The following PRKAR1B variants were observed in gnomAD, a reference collection of about 807,000 sequenced individuals.
The protein encoded by PRKAR1B is protein kinase cAMP-dependent type I regulatory subunit beta.
PRKAR1B carries 22 observed loss-of-function variants against 46.5 expected under a neutral mutation model. The ratio of observed to expected loss-of-function variants is 0.47; its 90% CI spans 0.34 to 0.68. PRKAR1B has a LOEUF of 0.68. Ranked by LOEUF, PRKAR1B falls within the 30% of genes least tolerant of loss-of-function variation. The pLI is 0.01. For synonymous variants in PRKAR1B, 259 were observed against 217.7 expected (o/e 1.19, Z -1.67); for missense variants, 445 against 535.6 (o/e 0.83, Z 1.67).
At chr7:632,136 G>T (rs565809402) in intron 4 of PRKAR1B, among the ~76,000 whole-genome samples, 23 of 152,310 alleles carry the variant, frequency 1.5e-4, no homozygotes, top group African/African-American at 5.5e-4. Context: ...GAGCCTGGGG[G>T]GAGCAGGTGC....
intron 9 of PRKAR1B, among the ~76,000 whole-genome samples, chr7:574,334 C>G (rs1225440756): frequency 6.6e-6 from 1 of 152,272 alleles, no homozygotes; most frequent in African/African-American, 2.4e-5. Context: ...GCTGGGAAGC[C>G]TTTCACACCA....
chr7:657,623 G>C (rs960627682), intron 4 of PRKAR1B, among the ~76,000 whole-genome samples: 16 of 152,140 alleles, frequency 1.1e-4, no homozygotes, highest in Non-Finnish European at 2.1e-4. Context: ...GCGCCGTTTT[G>C]GGCAGTCTGA....
At chr7:727,294 G>A, upstream of PRKAR1B, 2 of 1,297,534 alleles carry the variant, frequency 1.5e-6, no homozygotes, top group Non-Finnish European at 9.7e-7. Flanking sequence ...CTGCGCCGCC[G>A]CCCTGGCGCA....
chr7:718,361 A>C (rs1780957786), intron 1 of PRKAR1B, among the ~76,000 whole-genome samples: 1 of 140,810 alleles, frequency 7.1e-6, no homozygotes, highest in Non-Finnish European at 1.5e-5. Context: ...CTCCTGCTTC[A>C]GCCTTTTTTT....
chr7:578,180 C>T (rs934751553), intron 9 of PRKAR1B, among the ~76,000 whole-genome samples: 1 of 152,174 alleles, frequency 6.6e-6, no homozygotes, highest in Admixed American at 6.5e-5. Flanking sequence ...CCTCTGGAGT[C>T]GAGTCCCACC....
intron 4 of PRKAR1B, among the ~76,000 whole-genome samples, chr7:619,085 T>G (rs571988030): frequency 6.6e-6 from 1 of 152,114 alleles, no homozygotes; most frequent in Non-Finnish European, 1.5e-5. Flanking sequence ...TGGAGTAGGG[T>G]TGGCCCTAAC....
At chr7:562,410 C>T (rs1009208968) in intron 9 of PRKAR1B, among the ~76,000 whole-genome samples, 10 of 152,188 alleles carry the variant, frequency 6.6e-5, no homozygotes, top group African/African-American at 2.4e-4. Flanking sequence ...TCCTCGTCTG[C>T]CCCCATTAGG....
At chr7:579,401 G>A in intron 8 of PRKAR1B, 24 bp from the exon 9 acceptor site, 1 of 1,611,102 alleles carries the variant, frequency 6.2e-7, no homozygotes, top group Non-Finnish European at 8.5e-7. Flanking sequence ...ATGAGGACAG[G>A]TCATCCCGGG....
At chr7:583,708 G>A (rs1263522544) in intron 8 of PRKAR1B, among the ~76,000 whole-genome samples, 2 of 148,396 alleles carry the variant, frequency 1.3e-5, no homozygotes, top group Non-Finnish European at 1.5e-5. Context: ...CCTCACACAC[G>A]TGCAATTCAC....
chr7:557,149 C>T (rs369357818), intron 9 of PRKAR1B, among the ~76,000 whole-genome samples: 222 of 152,328 alleles, frequency 1.5e-3, no homozygotes, highest in African/African-American at 5.0e-3. Flanking sequence ...GGCCCCGGGA[C>T]TCCCTCCTCC....
At chr7:650,224 G>A (rs1784831410) in intron 4 of PRKAR1B, among the ~76,000 whole-genome samples, 1 of 152,174 alleles carries the variant, frequency 6.6e-6, no homozygotes, top group Non-Finnish European at 1.5e-5. Context: ...CTCTGATGAA[G>A]AGGACAGGTG....
At chr7:659,389 T>C (rs201622897) in intron 4 of PRKAR1B, among the ~76,000 whole-genome samples, 18 of 152,196 alleles carry the variant, frequency 1.2e-4, no homozygotes, top group African/African-American at 4.1e-4. Context: ...TCCATCCTAG[T>C]GGAGCACTTC....
At chr7:728,311 G>T (rs1028868802), upstream of PRKAR1B, among the ~76,000 whole-genome samples, 1 of 152,224 alleles carries the variant, frequency 6.6e-6, no homozygotes, top group African/African-American at 2.4e-5. Flanking sequence ...CAGGAAAGCA[G>T]TGAGGGATCT....
In PRKAR1B at chr7:685,341, T is replaced by TATATAC. The variant is rs1562615898; in HGVS notation, c.178-4616_178-4615insGTATAT. Reference sequence around the variant, plus strand: ...ACGTATATATACGTATATATACGTATATATATGTATACATATATATATACA... The same window carrying TATATAC: ...ACGTATATATACGTATATATACGTATATATACATATATGTATACATATATATATACA... On this transcript the variant is annotated intron_variant, in intron 2 of 10. Transcript: ENST00000537384. Among the ~76,000 whole-genome samples the TATATAC allele has an allele frequency of 2.7e-3, 218 of 81,474 alleles. 25 individuals are homozygous for TATATAC. The highest frequency in any genetic ancestry group is 0.02 in the East Asian group (62 of 3,126). 53.5% of individuals were successfully genotyped at this position (81,474 alleles called of 152,430 possible).
chr7:680,388 GC>G (rs1405262195), intron 3 of PRKAR1B, among the ~76,000 whole-genome samples, 167 bp downstream of exon 3: 3 of 152,104 alleles, frequency 2.0e-5, no homozygotes, highest in African/African-American at 7.2e-5. Flanking sequence ...AGCAAACCAA[GC>G]CCACCCAGAA....
intron 4 of PRKAR1B, among the ~76,000 whole-genome samples, chr7:642,998 T>C (rs1406207100): frequency 2.0e-5 from 3 of 151,466 alleles, no homozygotes; most frequent in Non-Finnish European, 4.4e-5. Context: ...ACCCCGCACT[T>C]CACTGGGATG....
intron 2 of PRKAR1B, among the ~76,000 whole-genome samples, chr7:704,906 T>C (rs1268860028): frequency 1.3e-5 from 2 of 152,116 alleles, no homozygotes; most frequent in East Asian, 3.8e-4. Flanking sequence ...ACAAAATACA[T>C]GAACAGACAC....
At chr7:596,432 C>T (rs1309482198) in intron 6 of PRKAR1B, 128 bp from the exon 7 acceptor site, 15 of 1,146,066 alleles carry the variant, frequency 1.3e-5, no homozygotes, top group Admixed American at 2.7e-5. Context: ...CAAGCCCTTT[C>T]GCTTGTGGGC....
At chr7:652,892 G>C (rs1784986900) in intron 4 of PRKAR1B, among the ~76,000 whole-genome samples, 1 of 152,210 alleles carries the variant, frequency 6.6e-6, no homozygotes, top group Non-Finnish European at 1.5e-5. Flanking sequence ...GGGTTGATGG[G>C]GCAGGCCTCC....
Sources: gnomAD v4.1 joint callset for allele counts (sites outside exome capture counted in the v4.1 genomes callset) on GRCh38, gnomAD v4.1.1 for gene constraint, MANE v1.5 for transcripts, NCBI Gene and HGNC (gene_info 2026-07-23, HGNC 2026-07-21) for gene names.